RARB: variants seen among roughly 807,000 people sequenced by gnomAD.
RARB encodes the protein retinoic acid receptor beta, also known as HBV-activated protein.
A neutral mutation model predicts 51.9 loss-of-function variants in RARB; 17 were observed. The ratio of observed to expected loss-of-function variants is 0.33; its 90% CI spans 0.22 to 0.49. RARB has a LOEUF of 0.49. Among genes scored for constraint, RARB ranks in the 20% least tolerant of loss-of-function variants. The pLI is 0.99. For synonymous variants in RARB, 215 were observed against 195.4 expected, an observed-to-expected ratio of 1.10 and a Z score of -0.84; for missense variants, 369 against 550.8, an observed-to-expected ratio of 0.67 and a Z score of 3.30.
chr3:25,454,086 A>G (rs1245799457), intron 1 of RARB, among the ~76,000 whole-genome samples: 1 of 152,260 alleles, frequency 6.6e-6, no homozygotes, highest in African/African-American at 2.4e-5. Flanking sequence ...AAATTAAGTG[A>G]GTGACAGTAT....
intron 2 of RARB, among the ~76,000 whole-genome samples, chr3:24,980,481 TA>T (rs1696634617): frequency 3.3e-5 from 5 of 152,318 alleles, no homozygotes; most frequent in Admixed American, 3.3e-4. Context: ...CTTCTTTCTC[TA>T]ATCTTGTCTT....
At chr3:25,307,249 T>G (rs558691699) in intron 5 of RARB, among the ~76,000 whole-genome samples, 1 of 152,086 alleles carries the variant, frequency 6.6e-6, no homozygotes, top group Admixed American at 6.5e-5. Context: ...TAGCCGGGTG[T>G]GGTGGTGCAC....
chr3:25,239,155 TTTA>T lies in RARB; in HGVS notation c.178+64584_178+64586del, dbSNP rs539809548. ...CTTTGCCCACTTTTTAATGGGATTG[TTTA>T]TTACTATTAAATTGTTTGAGTTCCT... On this transcript the variant is annotated intron_variant, in intron 5 of 11. Transcript: ENST00000383772. 2.0e-5 allele frequency among the ~76,000 whole-genome samples: 3 copies of T among 152,334 alleles called. No individual in the cohort carries two copies. The South Asian group carries it at 6.2e-4, about 32-fold the overall frequency.
chr3:25,298,059 C>T lies in RARB; in HGVS notation c.178+123484C>T, dbSNP rs146185398. Among the ~76,000 whole-genome samples the T allele has an allele frequency of 3.4e-3, 510 of 152,206 alleles. 2 individuals are homozygous for T. Among genetic ancestry groups the T allele is most frequent in the African/African-American group, 0.012 (483 of 41,528 alleles). On this transcript the variant is annotated intron_variant, in intron 5 of 11. Transcript: ENST00000383772. ...TAATATAGGACAAAAGACAGCTAAG[C>T]ATGTGTTCTTTCTTCAAAGCAGAGG...
intron 2 of RARB, among the ~76,000 whole-genome samples, chr3:24,867,609 C>A (rs546607400): frequency 1.3e-5 from 2 of 152,168 alleles, no homozygotes; most frequent in East Asian, 3.9e-4. Flanking sequence ...GGGGAGGGAG[C>A]CTTTGGTCTC....
At chr3:25,067,797 C>T (rs1045162881) in intron 3 of RARB, among the ~76,000 whole-genome samples, 8 of 152,070 alleles carry the variant, frequency 5.3e-5, no homozygotes, top group African/African-American at 1.2e-4. Context: ...GCAACATTTA[C>T]GTCACAGTTT....
intron 5 of RARB, among the ~76,000 whole-genome samples, chr3:25,285,699 G>C (rs145455888): frequency 2.4e-3 from 360 of 152,314 alleles, no homozygotes; most frequent in African/African-American, 8.4e-3. Flanking sequence ...TGGAGGGAAT[G>C]CAGAGGACGC....
chr3:25,390,254 G>A (rs899589838), intron 5 of RARB, among the ~76,000 whole-genome samples: 1 of 152,136 alleles, frequency 6.6e-6, no homozygotes, highest in Admixed American at 6.6e-5. Context: ...AGCTACTCAG[G>A]AAGCTGAGGA....
At position 25,580,582 on chromosome 3, in the gene RARB, G is replaced by A. The variant is rs373578752; in HGVS notation, c.646G>A (p.Gly216Ser). The part of the protein sequence containing the change: ...SADHRVRLDL[G>S]LWDKFSELAT... ...TGACCATCGAGTCCGACTGGACCTGGGCCTCTGGGACAAATTCAGTGAACT... is the reference window on the plus strand; with the variant it reads ...TGACCATCGAGTCCGACTGGACCTGAGCCTCTGGGACAAATTCAGTGAACT... The change falls in exon 5 of 8, where the codon GGC becomes AGC. Residue 216 changes from glycine (G) to serine (S), a missense_variant. Physicochemically the swap from Gly to Ser is moderately conservative, Grantham distance 56. Around this residue, in one of 9 missense-constraint regions of RARB, gnomAD observed 49 missense variants for 103.4 expected, o/e 0.47. Transcript: ENST00000330688. 1 of 1,607,994 alleles carries A rather than the reference G, an allele frequency of 6.2e-7. No homozygotes were observed. The highest frequency in any genetic ancestry group is 8.5e-7 in the Non-Finnish European group (1 of 1,175,442).
At chr3:25,044,027 T>C (rs1260120817) in intron 2 of RARB, among the ~76,000 whole-genome samples, 3 of 105,774 alleles carry the variant, frequency 2.8e-5, no homozygotes, top group South Asian at 3.4e-4. Context: ...GGTTTTCCCA[T>C]TTTTTTTTTA....
chr3:24,907,951 A>G (rs1435183743), intron 2 of RARB, among the ~76,000 whole-genome samples: 1 of 152,102 alleles, frequency 6.6e-6, no homozygotes, highest in Non-Finnish European at 1.5e-5. Context: ...TCCTTTGGAA[A>G]TGTTCCCCCT....
intron 3 of RARB, among the ~76,000 whole-genome samples, chr3:25,063,941 T>A (rs775223428): frequency 1.8e-4 from 27 of 152,186 alleles, no homozygotes; most frequent in South Asian, 1.2e-3. Flanking sequence ...AATTACCAAA[T>A]GCCAGATTCG....
intron 3 of RARB, among the ~76,000 whole-genome samples, chr3:25,067,341 C>T (rs1241897241): frequency 2.0e-5 from 3 of 152,040 alleles, no homozygotes; most frequent in East Asian, 3.9e-4. Flanking sequence ...CAGAGAAGTA[C>T]TTGGAAAACT....
chr3:25,415,377 G>A (rs1045048212), intron 5 of RARB, among the ~76,000 whole-genome samples: 50 of 152,104 alleles, frequency 3.3e-4, no homozygotes, highest in Admixed American at 9.2e-4. Context: ...TGCATATGCT[G>A]TGGGTTATGG....
At chr3:25,338,696 TAA>T (rs751721290) in intron 5 of RARB, among the ~76,000 whole-genome samples, 1 of 152,240 alleles carries the variant, frequency 6.6e-6, no homozygotes, top group Non-Finnish European at 1.5e-5. Context: ...CATAAGAGTT[TAA>T]GTCATTTGTT....
chr3:24,872,553 G>T (rs919737591), intron 2 of RARB, among the ~76,000 whole-genome samples: 5 of 152,172 alleles, frequency 3.3e-5, no homozygotes, highest in Admixed American at 3.3e-4. Flanking sequence ...CATGGTGGAA[G>T]GTGAAGGGGG....
intron 2 of RARB, among the ~76,000 whole-genome samples, chr3:24,906,779 AGG>A (rs1694874842): frequency 1.5e-5 from 2 of 136,658 alleles, no homozygotes; most frequent in African/African-American, 5.3e-5. Context: ...TGGGAGGCAG[AGG>A]TTGCAGTGAG....
chr3:25,246,788 G>A (rs1702571905), intron 5 of RARB, among the ~76,000 whole-genome samples: 1 of 152,160 alleles, frequency 6.6e-6, no homozygotes, highest in Non-Finnish European at 1.5e-5. Context: ...CCCATCAGGA[G>A]GCACAGGGTT....
intron 2 of RARB, among the ~76,000 whole-genome samples, chr3:25,003,371 G>A (rs994498747): frequency 1.3e-5 from 2 of 152,020 alleles, no homozygotes; most frequent in African/African-American, 4.8e-5. Flanking sequence ...TTATTAATTT[G>A]CACTGAAATA....
Sources: gnomAD v4.1 joint callset for allele counts (sites outside exome capture counted in the v4.1 genomes callset) on GRCh38, gnomAD v4.1.1 for gene constraint, gnomAD v4.1.1 regional missense constraint, MANE v1.5 for transcripts, NCBI Gene and HGNC (gene_info 2026-07-23, HGNC 2026-07-21) for gene names.